Variants in DBX2 observed in about 807,000 individuals in gnomAD.
DBX2 encodes the protein developing brain homeobox 2, also known as homeobox protein DBX2.
In DBX2, 16 loss-of-function variants were observed where a neutral mutation model predicts 17.7. The ratio of observed to expected loss-of-function variants is 0.90; its 90% CI spans 0.61 to 1.37. The LOEUF is 1.37. Ranked by LOEUF, DBX2 falls within the 40% of genes most tolerant of loss-of-function variation. The pLI, the probability that DBX2 is intolerant of heterozygous loss-of-function variation, is 0.00. For synonymous variants in DBX2, 255 were observed against 183.8 expected (o/e 1.39, Z -3.13); for missense variants, 538 against 433.8 (o/e 1.24, Z -2.13).
rs1233771291 is a variant in DBX2, at chr12:45,023,885, C to T, written c.509G>A (p.Ser170Asn). The change falls in exon 3 of 4, where the codon AGC becomes AAC. Residue 170 changes from serine (S) to asparagine (N), a missense_variant. Coordinates refer to ENST00000332700, the MANE Select transcript of DBX2 (RefSeq NM_001004329.3). ...GTCCTGTGTCAGGAGAGGCAGCATG[C>T]TCTCTTCTCCTAGAGTCGAGGGAAA... ...ASSTAFPREE[S>N]MLPLLTQDSN... is the part of the protein sequence containing the mutation. 5 of 1,554,832 alleles carry T rather than the reference C, an allele frequency of 3.2e-6. No homozygotes were observed. Among genetic ancestry groups the T allele is most frequent in the East Asian group, 4.5e-5 (2 of 44,516 alleles).
intron 2 of DBX2, among the ~76,000 whole-genome samples, chr12:45,024,220 C>G (rs1946368715): frequency 6.6e-6 from 1 of 152,226 alleles, no homozygotes; most frequent in Admixed American, 6.5e-5. Context: ...CTCTGCACTT[C>G]TCATTCTTCT....
intron 2 of DBX2, among the ~76,000 whole-genome samples, chr12:45,026,389 T>C (rs1946381688): frequency 6.6e-6 from 1 of 152,212 alleles, no homozygotes; most frequent in Non-Finnish European, 1.5e-5. Context: ...GCCACTGACA[T>C]GCATTATTTC....
chr12:45,041,651 T>C (rs1197395434), intron 1 of DBX2, among the ~76,000 whole-genome samples: 1 of 152,150 alleles, frequency 6.6e-6, no homozygotes, highest in Non-Finnish European at 1.5e-5. Context: ...CAAAGGGTCT[T>C]AATGTTTTGG....
At chr12:45,019,229 A>ATATT (rs1946338568) in intron 3 of DBX2, among the ~76,000 whole-genome samples, 1 of 152,114 alleles carries the variant, frequency 6.6e-6, no homozygotes, top group Non-Finnish European at 1.5e-5. Context: ...AAATATACTA[A>ATATT]CCATAATATT....
chr12:45,047,248 T>A (rs1447804387), intron 1 of DBX2, among the ~76,000 whole-genome samples: 1 of 152,166 alleles, frequency 6.6e-6, no homozygotes, highest in Non-Finnish European at 1.5e-5. Flanking sequence ...AATAATGGCA[T>A]CAGGAAACTT....
Position 45,016,171 on chromosome 12 carries a change from C to T in DBX2, c.*115G>A, listed in dbSNP as rs1946321899. Reference sequence around the variant, plus strand: ...GGGTTTCCTAAAGCATTAGTTCATACATCGCTCCAAAGTTGTTAGGCTCTA... The same window carrying T: ...GGGTTTCCTAAAGCATTAGTTCATATATCGCTCCAAAGTTGTTAGGCTCTA... On this transcript the variant is annotated 3_prime_UTR_variant, in exon 4 of 4. Transcript: ENST00000332700. 1 of 1,145,024 alleles carries T rather than the reference C, an allele frequency of 8.7e-7. No individual in the cohort carries two copies. The highest frequency in any genetic ancestry group is 1.2e-6 in the Non-Finnish European group (1 of 835,176). The allele number at this position is 1,145,024 out of a possible 1,614,324, so 70.9% of individuals were successfully genotyped here.
chr12:45,026,741 C>T (rs923288933), intron 2 of DBX2, among the ~76,000 whole-genome samples: 18 of 152,188 alleles, frequency 1.2e-4, no homozygotes, highest in African/African-American at 2.9e-4. Flanking sequence ...GCAAAACGAA[C>T]GAATAACTTC....
chr12:45,048,137 A>C (rs1047860999), intron 1 of DBX2, among the ~76,000 whole-genome samples: 1 of 152,170 alleles, frequency 6.6e-6, no homozygotes, highest in African/African-American at 2.4e-5. Context: ...AAAATAACGA[A>C]AAATAATGAA....
At chr12:45,039,320 T>TAC (rs1946458678) in intron 1 of DBX2, among the ~76,000 whole-genome samples, 2 of 111,250 alleles carry the variant, frequency 1.8e-5, no homozygotes, top group Non-Finnish European at 3.8e-5. Context: ...TATATATATA[T>TAC]ATGTATCACA....
At chr12:45,031,607 C>G (rs1414062607) in intron 2 of DBX2, among the ~76,000 whole-genome samples, 3 of 152,102 alleles carry the variant, frequency 2.0e-5, no homozygotes, top group African/African-American at 4.8e-5. Context: ...CATACAGAGT[C>G]TTCGCTATTT....
intron 1 of DBX2, among the ~76,000 whole-genome samples, chr12:45,048,457 T>C (rs1225733539): frequency 6.6e-6 from 1 of 152,190 alleles, no homozygotes; most frequent in Non-Finnish European, 1.5e-5. Context: ...CAAATCACTA[T>C]TTCATCCTCA....
intron 3 of DBX2, among the ~76,000 whole-genome samples, chr12:45,021,120 C>T (rs977956331): frequency 6.6e-6 from 1 of 151,958 alleles, no homozygotes; most frequent in Non-Finnish European, 1.5e-5. Flanking sequence ...GATATATTTA[C>T]AAATTGTAAT....
At chr12:45,035,955 T>C in intron 2 of DBX2, 64 bp downstream of exon 2, 3 of 1,487,202 alleles carry the variant, frequency 2.0e-6, no homozygotes, top group Non-Finnish European at 2.7e-6. Flanking sequence ...CCAGAGCACA[T>C]TAAATCCTGC....
rs1215366577 is a variant in DBX2, at chr12:45,050,864, G to A, written c.64C>T (p.Leu22Phe). The A allele has an allele frequency of 5.9e-6, 9 of 1,536,208 alleles. No individual in the cohort carries two copies. The highest frequency in any genetic ancestry group is 7.9e-6 in the Non-Finnish European group (9 of 1,144,518). The stretch of plus-strand genomic sequence containing the variant: ...CCGGGCGCAGCGGGGAGGTTGAGGA[G>A]CGCGGAGGAAGCCACAACGTCCCAG... ...AYWDVVASSA[L>F]LNLPAAPGFG... Residue 22 changes from leucine (L) to phenylalanine (F), a missense_variant, in exon 1 of 4, where the codon CTC becomes TTC. Leu to Phe is a conservative substitution (Grantham distance 22, BLOSUM62 0). Transcript: ENST00000332700.
Position 45,016,359 on chromosome 12 carries a change from G to T in DBX2, c.947C>A (p.Ser316Ter), listed in dbSNP as rs779902392. The T allele has an allele frequency of 1.2e-6, 2 of 1,612,962 alleles. No individual in the cohort carries two copies. The highest frequency in any genetic ancestry group is 1.1e-5 in the South Asian group (1 of 90,828). ...SSGAPPPEANSLQGALYLCSE... is the reference protein window; with the variant it reads ...SSGAPPPEAN ...ACATAAATATAAGGCACCTTGCAGT[G>T]AATTTGCTTCTGGGGGTGGTGCCCC... is the stretch of plus-strand genomic sequence containing the variant. The change falls in exon 4 of 4, where the codon TCA (serine) becomes TAA (stop). Residue 316 changes from serine to a stop codon, truncating the protein, a stop_gained. Transcript: ENST00000332700. LOFTEE classifies it low-confidence loss of function (END_TRUNC).
At chr12:45,033,729 T>G (rs1165646054) in intron 2 of DBX2, among the ~76,000 whole-genome samples, 1 of 152,172 alleles carries the variant, frequency 6.6e-6, no homozygotes, top group Non-Finnish European at 1.5e-5. Context: ...TGTTTTAAAA[T>G]GCCAACTTTA....
intron 1 of DBX2, among the ~76,000 whole-genome samples, chr12:45,044,746 T>C (rs1056504978): frequency 1.1e-4 from 16 of 152,158 alleles, no homozygotes; most frequent in Non-Finnish European, 2.1e-4. Flanking sequence ...GTACCTTAAG[T>C]TGACTGTTCA....
intron 1 of DBX2, among the ~76,000 whole-genome samples, chr12:45,044,558 A>G (rs911628344): frequency 9.2e-5 from 14 of 152,176 alleles, no homozygotes; most frequent in Non-Finnish European, 1.3e-4. Context: ...CGTGAAAGAA[A>G]AGTGAAAAAT....
At position 45,015,056 on chromosome 12, in the gene DBX2, T is replaced by C. The variant is rs1946315873; in HGVS notation, c.*1230A>G. ...TTTAATGCAAAACCACATCATTTCC[T>C]ATTTTTGTTTCATTTCCTTCAAAGT... On this transcript the variant is annotated 3_prime_UTR_variant, in exon 4 of 4. Transcript: ENST00000332700. The C allele has an allele frequency of 6.6e-6, 1 of 152,238 alleles. No individual in the cohort carries two copies. Among genetic ancestry groups the C allele is most frequent in the Non-Finnish European group, 1.5e-5 (1 of 68,032 alleles). 9.4% of individuals were successfully genotyped at this position (152,238 alleles called of 1,614,324 possible). A position where few individuals can be genotyped will look rare whatever the true frequency, so the allele number is the denominator to read the frequency against.
Sources: allele counts gnomAD v4.1 joint callset (sites outside exome capture counted in the v4.1 genomes callset), GRCh38; gene constraint gnomAD v4.1.1; transcripts MANE v1.5; gene names NCBI Gene and HGNC (gene_info 2026-07-23, HGNC 2026-07-21).